Variants in PREP observed in about 807,000 individuals in gnomAD.
The protein encoded by PREP is prolyl endopeptidase.
PREP carries 29 observed loss-of-function variants against 87.6 expected under a neutral mutation model. That is an observed-to-expected ratio of 0.33 (90% CI 0.25 to 0.45). The LOEUF is 0.45. Ranked by LOEUF, PREP falls within the 20% of genes least tolerant of loss-of-function variation. The probability of loss-of-function intolerance (pLI) is 1.00; values close to 1 mark genes in which losing one functional copy is unlikely to be tolerated. For synonymous variants in PREP, 337 were observed against 328.6 expected (o/e 1.03, Z -0.28); for missense variants, 695 against 886.5 (o/e 0.78, Z 2.74).
chr6:105,365,164 T>C (rs775458755), intron 6 of PREP, among the ~76,000 whole-genome samples: 8 of 152,186 alleles, frequency 5.3e-5, no homozygotes, highest in Non-Finnish European at 1.0e-4. Flanking sequence ...AGAGAATTGC[T>C]TGAACTTGGG....
At chr6:105,344,622 C>G (rs1296682320) in intron 7 of PREP, among the ~76,000 whole-genome samples, 3 of 151,496 alleles carry the variant, frequency 2.0e-5, no homozygotes, top group Non-Finnish European at 4.4e-5. Flanking sequence ...TAGGTGGGAA[C>G]TGAACAATGA....
At chr6:105,344,364 C>T (rs543881797) in intron 7 of PREP, among the ~76,000 whole-genome samples, 38 of 152,066 alleles carry the variant, frequency 2.5e-4, no homozygotes, top group Admixed American at 7.2e-4. Context: ...TGGTGGCGGG[C>T]GCCTGTAGTC....
chr6:105,344,509 G>GAATT, intron 7 of PREP, among the ~76,000 whole-genome samples: 1 of 144,880 alleles, frequency 6.9e-6, no homozygotes, highest in Admixed American at 6.8e-5. Context: ...AAAAAAAAAG[G>GAATT]ATGAGTTCAT....
At chr6:105,338,645 A>G (rs1349838101) in intron 7 of PREP, among the ~76,000 whole-genome samples, 2 of 152,174 alleles carry the variant, frequency 1.3e-5, no homozygotes, top group African/African-American at 4.8e-5. Flanking sequence ...TAGCCAAGGG[A>G]AGCCGTGACA....
chr6:105,366,720 G>A (rs1772394317), intron 6 of PREP, among the ~76,000 whole-genome samples: 1 of 140,192 alleles, frequency 7.1e-6, no homozygotes, highest in African/African-American at 3.1e-5. Flanking sequence ...AATAAACTGT[G>A]GCACACACAC....
intron 10 of PREP, among the ~76,000 whole-genome samples, chr6:105,311,505 T>G (rs1291369464): frequency 1.3e-5 from 2 of 152,242 alleles, no homozygotes; most frequent in African/African-American, 4.8e-5. Flanking sequence ...TCAGGGGAAC[T>G]TCCCGTGACC....
intron 6 of PREP, among the ~76,000 whole-genome samples, chr6:105,356,738 G>T (rs1772109041): frequency 6.6e-6 from 1 of 152,194 alleles, no homozygotes; most frequent in African/African-American, 2.4e-5. Flanking sequence ...TCTGAAAACA[G>T]CTGCTTTGTC....
intron 4 of PREP, among the ~76,000 whole-genome samples, chr6:105,375,749 T>G (rs1342084341): frequency 2.0e-5 from 3 of 152,356 alleles, no homozygotes; most frequent in Non-Finnish European, 2.9e-5. Context: ...ATATTATAGT[T>G]GGAATAATCT....
chr6:105,370,069 T>G (rs565812708), intron 5 of PREP, among the ~76,000 whole-genome samples: 1 of 151,894 alleles, frequency 6.6e-6, no homozygotes, highest in Non-Finnish European at 1.5e-5. Flanking sequence ...CTGACCAACA[T>G]GGTGAAATCC....
chr6:105,329,480 A>G (rs920276449), intron 8 of PREP, among the ~76,000 whole-genome samples: 2 of 152,192 alleles, frequency 1.3e-5, no homozygotes, highest in African/African-American at 2.4e-5. Flanking sequence ...TCATTTATCT[A>G]GTTCTCAACA....
At chr6:105,362,256 T>C (rs1772269920) in intron 6 of PREP, among the ~76,000 whole-genome samples, 1 of 152,062 alleles carries the variant, frequency 6.6e-6, no homozygotes, top group African/African-American at 2.4e-5. Flanking sequence ...AGGTGAGGAG[T>C]TCAGGACCAG....
rs1022551579 is a variant in PREP, at chr6:105,323,867, G to T, written c.1214-99C>A. 4 of 1,015,090 alleles carry T rather than the reference G, an allele frequency of 3.9e-6. No homozygotes were observed. In the African/African-American group the frequency reaches 6.4e-5, roughly 16 times the overall value. The allele number at this position is 1,015,090 out of a possible 1,614,324, so 62.9% of individuals were successfully genotyped here. On this transcript the variant is annotated intron_variant, in intron 9 of 14. Transcript: ENST00000652536. ...CAACCAAATGCCAGCAATGGCAAGA[G>T]AGGATCATTTATCAGGGACTTGGTT... is the stretch of plus-strand genomic sequence containing the variant.
intron 10 of PREP, among the ~76,000 whole-genome samples, chr6:105,320,059 T>G (rs897890860): frequency 6.6e-6 from 1 of 152,232 alleles, no homozygotes; most frequent in African/African-American, 2.4e-5. Flanking sequence ...TGTAGACAGA[T>G]TTTTCAGGTA....
intron 2 of PREP, among the ~76,000 whole-genome samples, chr6:105,388,353 C>A (rs1239291481): frequency 6.6e-6 from 1 of 152,166 alleles, no homozygotes; most frequent in East Asian, 1.9e-4. Context: ...CTGCTCAGAG[C>A]CTGGCCCTTG....
At chr6:105,353,364 G>A (rs968906029) in intron 6 of PREP, among the ~76,000 whole-genome samples, 3 of 152,078 alleles carry the variant, frequency 2.0e-5, no homozygotes, top group African/African-American at 7.2e-5. Flanking sequence ...TTAATTTCTA[G>A]TCTATTCTTT....
At chr6:105,358,363 A>C (rs939202717) in intron 6 of PREP, among the ~76,000 whole-genome samples, 7 of 152,218 alleles carry the variant, frequency 4.6e-5, no homozygotes, top group Non-Finnish European at 1.5e-5. Flanking sequence ...CTACTTCTGC[A>C]AAGTCACCTG....
At chr6:105,280,534 A>T (rs779146307) in intron 14 of PREP, 6 of 152,226 alleles carry the variant, frequency 3.9e-5, no homozygotes, top group Non-Finnish European at 5.9e-5. Flanking sequence ...CAATAATGCA[A>T]CTTGCAGTTT....
At position 105,333,399 on chromosome 6, in the gene PREP, G is replaced by A; in HGVS notation, c.930C>T (p.Asn310=). ...FTFKTNRQSP[N]YRVINIDFRD... ...TGAAGTCAATGTTGATCACGCGATA[G>A]TTGGGAGACTGGCGATTCGTCTTGA... The change falls in exon 8 of 15, where the codon AAC becomes AAT. Residue 310 remains asparagine (N), a synonymous_variant. Transcript: ENST00000652536. The A allele has an allele frequency of 6.2e-7, 1 of 1,614,190 alleles. No individual in the cohort carries two copies. Among genetic ancestry groups the A allele is most frequent in the Non-Finnish European group, 8.5e-7 (1 of 1,180,000 alleles).
intron 2 of PREP, among the ~76,000 whole-genome samples, chr6:105,391,421 T>G (rs941802584): frequency 6.6e-6 from 1 of 152,032 alleles, no homozygotes; most frequent in Non-Finnish European, 1.5e-5. Flanking sequence ...GGGGTTTCAT[T>G]ATGTCATCTC....
Sources: allele counts gnomAD v4.1 joint callset (sites outside exome capture counted in the v4.1 genomes callset), GRCh38; gene constraint gnomAD v4.1.1; transcripts MANE v1.5; gene names NCBI Gene and HGNC (gene_info 2026-07-23, HGNC 2026-07-21).